Variants in WDFY1 observed in about 807,000 individuals in gnomAD.
WDFY1 encodes the protein WD repeat and FYVE domain-containing protein 1.
In WDFY1, 32 loss-of-function variants were observed where a neutral mutation model predicts 56.4. That is an observed-to-expected ratio of 0.57 (90% CI 0.43 to 0.76). The LOEUF (loss-of-function observed/expected upper bound fraction) is 0.76. Among genes scored for constraint, WDFY1 ranks in the 30% least tolerant of loss-of-function variants. The probability of loss-of-function intolerance (pLI) is 0.00; values close to 1 mark genes in which losing one functional copy is unlikely to be tolerated. For missense variants in WDFY1, 480 were observed against 545.7 expected, an observed-to-expected ratio of 0.88 and a Z score of 1.20; for synonymous variants, 192 against 197.3, an observed-to-expected ratio of 0.97 and a Z score of 0.23.
chr2:223,897,297 C>T (rs1474744477), intron 6 of WDFY1, among the ~76,000 whole-genome samples: 1 of 148,900 alleles, frequency 6.7e-6, no homozygotes, highest in African/African-American at 2.5e-5. Flanking sequence ...AAACTGCAAT[C>T]CATTACAGCT....
intron 1 of WDFY1, among the ~76,000 whole-genome samples, chr2:223,937,654 C>G (rs1689215907): frequency 6.6e-6 from 1 of 152,126 alleles, no homozygotes; most frequent in Non-Finnish European, 1.5e-5. Context: ...GGCTCCCAAG[C>G]CTTTGTTCTT....
intron 8 of WDFY1, among the ~76,000 whole-genome samples, chr2:223,887,470 G>A (rs569352532): frequency 5.9e-5 from 9 of 152,316 alleles, no homozygotes; most frequent in South Asian, 2.1e-4. Context: ...GTTTGTTCCC[G>A]TTTATACTTT....
intron 1 of WDFY1, among the ~76,000 whole-genome samples, chr2:223,921,805 G>A (rs537985800): frequency 6.6e-6 from 1 of 152,056 alleles, no homozygotes; most frequent in South Asian, 2.1e-4. Flanking sequence ...TGTTTTTTAA[G>A]AATTAAACGA....
At chr2:223,931,118 C>T (rs1313080692) in intron 1 of WDFY1, among the ~76,000 whole-genome samples, 2 of 152,176 alleles carry the variant, frequency 1.3e-5, no homozygotes, top group African/African-American at 2.4e-5. Context: ...AAATAAAAAG[C>T]ATTTGGCATT....
chr2:223,896,178 A>AAAAAAAAAAC (rs1559165610), intron 6 of WDFY1, among the ~76,000 whole-genome samples: 1 of 148,018 alleles, frequency 6.8e-6, no homozygotes, highest in African/African-American at 2.5e-5. Context: ...AAAAAAAAAA[A>AAAAAAAAAAC]AAAAACTGCT....
intron 1 of WDFY1, among the ~76,000 whole-genome samples, chr2:223,926,627 A>G (rs1393676817): frequency 6.7e-6 from 1 of 149,842 alleles, no homozygotes; most frequent in Non-Finnish European, 1.5e-5. Context: ...ATGTGTGTGT[A>G]TTTCATATAT....
intron 1 of WDFY1, among the ~76,000 whole-genome samples, chr2:223,922,581 T>C (rs1274037664): frequency 6.6e-6 from 1 of 152,212 alleles, no homozygotes; most frequent in East Asian, 1.9e-4. Flanking sequence ...GCTGCCTGTG[T>C]GTTCGGGTTT....
Position 223,894,250 on chromosome 2 carries a change from T to C in WDFY1, c.815A>G (p.Asp272Gly). 1 of 1,614,110 alleles carries C rather than the reference T, an allele frequency of 6.2e-7. No individual in the cohort carries two copies. The highest frequency in any genetic ancestry group is 1.3e-5 in the African/African-American group (1 of 75,046). The change falls in exon 8 of 12, where the codon GAT (aspartate) becomes GGT (glycine). Residue 272 changes from aspartate (D) to glycine (G), a missense_variant. Physicochemically the swap from Asp to Gly is moderately conservative, Grantham distance 94 (BLOSUM62 -1). Coordinates refer to ENST00000233055, the MANE Select transcript of WDFY1 (RefSeq NM_020830.5). Reference protein sequence around the residue: ...SDGGIAVWNMDVSREEAPQWL... With the variant: ...SDGGIAVWNMGVSREEAPQWL... ...GTCTCTTACCTCTTCTCTGCTAACA[T>C]CCATGTTCCACACTGCAATTCCGCC...
At chr2:223,943,425 A>C (rs1689348508) in intron 1 of WDFY1, among the ~76,000 whole-genome samples, 1 of 152,128 alleles carries the variant, frequency 6.6e-6, no homozygotes. Context: ...GCTCACTCAA[A>C]AGCAAAATCC....
At chr2:223,926,656 G>T (rs533977760) in intron 1 of WDFY1, among the ~76,000 whole-genome samples, 118 of 151,724 alleles carry the variant, frequency 7.8e-4, no homozygotes, top group African/African-American at 2.7e-3. Flanking sequence ...ATGTGCGTGT[G>T]TGTGTGTGTG....
intron 10 of WDFY1, among the ~76,000 whole-genome samples, chr2:223,880,725 T>C (rs1693054583): frequency 6.6e-6 from 1 of 151,792 alleles, no homozygotes; most frequent in Admixed American, 6.6e-5. Context: ...GAAAGCATGT[T>C]AAATCACAAG....
intron 3 of WDFY1, among the ~76,000 whole-genome samples, chr2:223,911,337 C>T (rs1317215780): frequency 4.0e-5 from 6 of 151,374 alleles, no homozygotes; most frequent in South Asian, 2.1e-4. Flanking sequence ...AATGGTTGCA[C>T]AATCTTATGA....
chr2:223,922,162 T>C (rs60734127), intron 1 of WDFY1, among the ~76,000 whole-genome samples: 1 of 152,262 alleles, frequency 6.6e-6, no homozygotes, highest in East Asian at 1.9e-4. Flanking sequence ...AAATCCACCT[T>C]CCTCCCCACC....
chr2:223,917,635 G>T (rs1451505988), intron 2 of WDFY1, among the ~76,000 whole-genome samples: 1 of 151,974 alleles, frequency 6.6e-6, no homozygotes, highest in East Asian at 1.9e-4. Flanking sequence ...GTGCGGTGGA[G>T]CAACCTTGAC....
chr2:223,897,374 A>T (rs1452480887), intron 6 of WDFY1, among the ~76,000 whole-genome samples: 11 of 11,168 alleles, frequency 9.8e-4, no homozygotes, highest in South Asian at 5.1e-3. Context: ...ATATATATAT[A>T]TATATATATA....
intron 3 of WDFY1, among the ~76,000 whole-genome samples, chr2:223,906,475 A>C (rs961805575): frequency 7.9e-5 from 12 of 152,100 alleles, no homozygotes; most frequent in African/African-American, 2.4e-4. Flanking sequence ...ACAACAACAA[A>C]AGAGAAATTT....
At chr2:223,923,760 C>CAA (rs914438443) in intron 1 of WDFY1, among the ~76,000 whole-genome samples, 4 of 149,258 alleles carry the variant, frequency 2.7e-5, no homozygotes, top group African/African-American at 7.5e-5. Context: ...GACTCCGTCT[C>CAA]AAAAAAAAAA....
chr2:223,878,725 C>G lies in WDFY1; in HGVS notation c.1179G>C (p.Trp393Cys). The change falls in exon 12 of 12, where the codon TGG becomes TGC. Residue 393 changes from tryptophan (W) to cysteine (C), a missense_variant. By Grantham distance (215) the Trp-to-Cys change is radical. Coordinates refer to ENST00000233055, the MANE Select transcript of WDFY1 (RefSeq NM_020830.5). The stretch of plus-strand genomic sequence containing the variant: ...TGCAGCCCACCACAGGTGTCATGTC[C>G]CAGATCTACAAGGAAGGAAGAAACG... ...TCGTDRIVKIWDMTPVVGCSL... is the reference protein window; with the variant it reads ...TCGTDRIVKICDMTPVVGCSL... 2.5e-6 allele frequency: 4 copies of G among 1,614,010 alleles called. No homozygotes were observed. Among genetic ancestry groups the G allele is most frequent in the Non-Finnish European group, 3.4e-6 (4 of 1,179,976 alleles).
intron 1 of WDFY1, among the ~76,000 whole-genome samples, chr2:223,936,078 T>TG (rs67059455): frequency 5.3e-5 from 4 of 75,968 alleles, no homozygotes; most frequent in African/African-American, 2.8e-4. Flanking sequence ...TTTTTTTTTT[T>TG]GGGGACAGAG....
Sources: gnomAD v4.1 joint callset for allele counts (sites outside exome capture counted in the v4.1 genomes callset) on GRCh38, gnomAD v4.1.1 for gene constraint, MANE v1.5 for transcripts, NCBI Gene and HGNC (gene_info 2026-07-23, HGNC 2026-07-21) for gene names.